The following GRIK2 variants were observed in gnomAD, a reference collection of about 807,000 sequenced individuals.
The protein encoded by GRIK2 is glutamate receptor ionotropic, kainate 2.
GRIK2 carries 32 observed loss-of-function variants against 100.3 expected under a neutral mutation model. The observed-to-expected ratio is 0.32, with a 90% CI of 0.24 to 0.43. The LOEUF (loss-of-function observed/expected upper bound fraction) is 0.43. Among genes scored for constraint, GRIK2 ranks in the 20% least tolerant of loss-of-function variants. The pLI is 1.00. For synonymous variants in GRIK2, 417 were observed against 389.4 expected (o/e 1.07, Z -0.83); for missense variants, 843 against 1,114.9 (o/e 0.76, Z 3.47).
chr6:101,529,999 T>C (rs1042728744), intron 2 of GRIK2, among the ~76,000 whole-genome samples: 1 of 152,088 alleles, frequency 6.6e-6, no homozygotes, highest in African/African-American at 2.4e-5. Flanking sequence ...GCCAGTATAA[T>C]GTATACACTG....
intron 12 of GRIK2, among the ~76,000 whole-genome samples, chr6:101,922,380 G>T (rs1003201172): frequency 1.5e-4 from 23 of 152,106 alleles, no homozygotes; most frequent in Admixed American, 2.6e-4. Context: ...AAATTACACA[G>T]TCTCACTATC....
chr6:101,739,094 G>C (rs962633822), intron 7 of GRIK2, among the ~76,000 whole-genome samples: 5 of 152,168 alleles, frequency 3.3e-5, no homozygotes, highest in African/African-American at 1.2e-4. Flanking sequence ...TTACTTACAT[G>C]ATTAAATTAT....
At chr6:101,730,777 G>A (rs1035154470) in intron 7 of GRIK2, among the ~76,000 whole-genome samples, 1 of 151,678 alleles carries the variant, frequency 6.6e-6, no homozygotes, top group Non-Finnish European at 1.5e-5. Context: ...TTCAAGAAGA[G>A]AGAAACATAC....
At chr6:102,063,126 T>C (rs568475986) in intron 16 of GRIK2, among the ~76,000 whole-genome samples, 2 of 150,782 alleles carry the variant, frequency 1.3e-5, no homozygotes, top group Non-Finnish European at 3.0e-5. Context: ...TGTACTAGAA[T>C]ATATTAGACC....
intron 7 of GRIK2, among the ~76,000 whole-genome samples, chr6:101,762,512 T>C (rs1166979538): frequency 6.6e-6 from 1 of 152,098 alleles, no homozygotes; most frequent in Non-Finnish European, 1.5e-5. Flanking sequence ...GGATTACACG[T>C]GTGAGCCACC....
intron 15 of GRIK2, among the ~76,000 whole-genome samples, chr6:102,051,346 G>T (rs1474480499): frequency 7.6e-6 from 1 of 132,214 alleles, no homozygotes; most frequent in East Asian, 2.2e-4. Context: ...TTTTTACTTG[G>T]TAAAAGGGAT....
chr6:101,522,054 A>G (rs1774906151), intron 2 of GRIK2, among the ~76,000 whole-genome samples: 1 of 152,146 alleles, frequency 6.6e-6, no homozygotes, highest in Non-Finnish European at 1.5e-5. Context: ...GCATAACTGT[A>G]CATTCAATAT....
chr6:101,717,032 C>G (rs1345608592), intron 7 of GRIK2, among the ~76,000 whole-genome samples: 2 of 151,858 alleles, frequency 1.3e-5, no homozygotes, highest in Admixed American at 6.6e-5. Flanking sequence ...AATTGATATG[C>G]AAATGATCTT....
At chr6:101,848,840 A>G (rs940175424) in intron 10 of GRIK2, among the ~76,000 whole-genome samples, 1 of 152,102 alleles carries the variant, frequency 6.6e-6, no homozygotes, top group African/African-American at 2.4e-5. Context: ...TGCTTATTAG[A>G]GTAATGAGTT....
chr6:101,703,946 G>T (rs1348978346), intron 7 of GRIK2, among the ~76,000 whole-genome samples: 1 of 151,738 alleles, frequency 6.6e-6, no homozygotes, highest in Non-Finnish European at 1.5e-5. Flanking sequence ...AGTGAAAAAT[G>T]AAGTGAGTAT....
chr6:101,459,059 T>C (rs1291352052), intron 2 of GRIK2, among the ~76,000 whole-genome samples: 1 of 151,910 alleles, frequency 6.6e-6, no homozygotes, highest in Non-Finnish European at 1.5e-5. Context: ...TCTGCTGCTT[T>C]CTGCTTCTGT....
At chr6:101,627,291 G>A (rs754590651) in intron 4 of GRIK2, among the ~76,000 whole-genome samples, 37 of 151,990 alleles carry the variant, frequency 2.4e-4, no homozygotes, top group Non-Finnish European at 4.1e-4. Context: ...ACAGGCATAC[G>A]CCACCACTTC....
At chr6:101,823,705 A>G (rs1033676202) in intron 10 of GRIK2, among the ~76,000 whole-genome samples, 2 of 152,168 alleles carry the variant, frequency 1.3e-5, no homozygotes, top group Admixed American at 1.3e-4. Flanking sequence ...ATTTTAAAGT[A>G]TAACGTGCTA....
chr6:101,794,302 C>G (rs140658972), intron 7 of GRIK2, among the ~76,000 whole-genome samples: 4 of 152,110 alleles, frequency 2.6e-5, no homozygotes, highest in Admixed American at 6.5e-5. Flanking sequence ...TCTTCTGCGT[C>G]GCTCACGCTG....
intron 2 of GRIK2, among the ~76,000 whole-genome samples, chr6:101,437,270 G>A (rs1203680155): frequency 6.6e-6 from 1 of 152,024 alleles, no homozygotes; most frequent in African/African-American, 2.4e-5. Flanking sequence ...AAAATGTCCT[G>A]CTGCATTCCT....
chr6:101,563,595 A>G (rs778103142), intron 2 of GRIK2, among the ~76,000 whole-genome samples: 1 of 152,202 alleles, frequency 6.6e-6, no homozygotes, highest in Non-Finnish European at 1.5e-5. Context: ...AAATATTTTT[A>G]AAGGCTGAAT....
At chr6:101,504,321 C>T (rs12195732) in intron 2 of GRIK2, among the ~76,000 whole-genome samples, 9 of 152,014 alleles carry the variant, frequency 5.9e-5, no homozygotes. Context: ...TGGTGAACTA[C>T]ATTTCTATAT....
chr6:101,883,600 A>C (rs994239736), intron 11 of GRIK2, among the ~76,000 whole-genome samples: 2 of 152,014 alleles, frequency 1.3e-5, no homozygotes, highest in Non-Finnish European at 2.9e-5. Context: ...TTCAGGAAAG[A>C]CCCCTTTGAG....
intron 16 of GRIK2, chr6:102,063,986 C>G: frequency 1.9e-6 from 3 of 1,552,878 alleles, no homozygotes; most frequent in Non-Finnish European, 2.7e-6. Flanking sequence ...GTTAGTGCCA[C>G]CATACCATCC....
Sources: allele counts gnomAD v4.1 joint callset (sites outside exome capture counted in the v4.1 genomes callset), GRCh38; gene constraint gnomAD v4.1.1; transcripts MANE v1.5; gene names NCBI Gene and HGNC (gene_info 2026-07-23, HGNC 2026-07-21).